TBC1D4: variants seen among roughly 807,000 people sequenced by gnomAD.
The protein encoded by TBC1D4 is TBC (Tre-2, BUB2, CDC16) domain-containing protein.
A neutral mutation model predicts 142.5 loss-of-function variants in TBC1D4; 121 were observed. The observed-to-expected ratio is 0.85, with a 90% confidence interval of 0.73 to 0.99. The LOEUF is 0.99. TBC1D4 is among the 50% of genes least tolerant of loss of function. The probability of loss-of-function intolerance (pLI) is 0.00; values close to 1 mark genes in which losing one functional copy is unlikely to be tolerated. For synonymous variants in TBC1D4, 630 were observed against 628.2 expected (o/e 1.00, Z -0.04); for missense variants, 1,475 against 1,606.6 (o/e 0.92, Z 1.40).
At chr13:75,429,156 G>A (rs547392289) in intron 1 of TBC1D4, among the ~76,000 whole-genome samples, 7 of 152,214 alleles carry the variant, frequency 4.6e-5, no homozygotes, top group East Asian at 1.9e-4. Context: ...TTTTCAAATC[G>A]TAAAATCACG....
rs375132840 is a variant in TBC1D4, at chr13:75,312,424, A to AAAAGAAAGAAAGAAAG, written c.2383+298_2383+313dup. On this transcript the variant is annotated intron_variant, in intron 13 of 20. Transcript: ENST00000377636. ...CAAGGCCCAATCTCTGGGAAAAAAA[A>AAAAGAAAGAAAGAAAG]AAAGAAAGAAAGAAAGAAAGAAAGA... 6.1e-3 allele frequency among the ~76,000 whole-genome samples: 834 copies of AAAAGAAAGAAAGAAAG among 135,998 alleles called. 9 individuals carry two copies. Among genetic ancestry groups the AAAAGAAAGAAAGAAAG allele is most frequent in the South Asian group, 0.02 (83 of 4,208 alleles). The allele number at this position is 135,998 out of a possible 152,430, so 89.2% of individuals were successfully genotyped here.
At chr13:75,425,962 G>C (rs1020950022) in intron 1 of TBC1D4, among the ~76,000 whole-genome samples, 1 of 152,084 alleles carries the variant, frequency 6.6e-6, no homozygotes, top group East Asian at 1.9e-4. Context: ...AGATTTTAAA[G>C]GTTCTCACCA....
At chr13:75,289,463 C>A (rs1234664239) in intron 19 of TBC1D4, among the ~76,000 whole-genome samples, 2 of 151,544 alleles carry the variant, frequency 1.3e-5, no homozygotes, top group Admixed American at 1.3e-4. Flanking sequence ...AACTGTCTCC[C>A]AAAATGTAGT....
chr13:75,308,927 T>TA (rs1161797360), intron 14 of TBC1D4, among the ~76,000 whole-genome samples: 1 of 152,044 alleles, frequency 6.6e-6, no homozygotes, highest in Non-Finnish European at 1.5e-5. Context: ...ATTGTTAAAA[T>TA]AAAAAAATTA....
At chr13:75,299,707 AC>A in intron 16 of TBC1D4, 133 bp from the exon 17 acceptor site, 2 of 1,118,048 alleles carry the variant, frequency 1.8e-6, no homozygotes, top group South Asian at 1.4e-5. Context: ...GCTTAGAGTC[AC>A]CATGTAACTA....
chr13:75,481,477 C>T lies in TBC1D4; in HGVS notation c.291G>A (p.Pro97=). The change falls in exon 1 of 21, where the codon CCG becomes CCA. Residue 97 remains proline, a synonymous_variant. Transcript: ENST00000377636. ...TAGTGCCCCCCGAGGCCCCAGCGCC[C>T]GGCGCGGGGACGCAACGCAGGAAGG... is the stretch of plus-strand genomic sequence containing the variant. ...SAPFLRCVPA[P]GAGASGGTSP... 5 of 1,613,306 alleles carry T rather than the reference C, an allele frequency of 3.1e-6. No homozygotes were observed. Among genetic ancestry groups the T allele is most frequent in the South Asian group, 1.1e-5 (1 of 91,026 alleles).
chr13:75,417,420 G>A (rs1373534242), intron 1 of TBC1D4, among the ~76,000 whole-genome samples: 1 of 152,082 alleles, frequency 6.6e-6, no homozygotes, highest in African/African-American at 2.4e-5. Context: ...GGGCACATAG[G>A]ACCTCAGCTC....
chr13:75,416,121 T>G (rs1447784742), intron 1 of TBC1D4, among the ~76,000 whole-genome samples: 1 of 152,198 alleles, frequency 6.6e-6, no homozygotes, highest in Non-Finnish European at 1.5e-5. Context: ...CTGAGACAAA[T>G]ATTGTGGCAT....
chr13:75,442,702 C>G (rs1049575530), intron 1 of TBC1D4, among the ~76,000 whole-genome samples: 1 of 151,680 alleles, frequency 6.6e-6, no homozygotes, highest in Non-Finnish European at 1.5e-5. Context: ...TCACTTGAAC[C>G]CGGGAGGTGG....
At chr13:75,410,023 T>C (rs1885551498) in intron 1 of TBC1D4, among the ~76,000 whole-genome samples, 1 of 152,336 alleles carries the variant, frequency 6.6e-6, no homozygotes, top group African/African-American at 2.4e-5. Context: ...CTTAACCAAA[T>C]TTGCCACTTA....
intron 1 of TBC1D4, among the ~76,000 whole-genome samples, chr13:75,473,996 C>T (rs900189800): frequency 1.3e-4 from 20 of 152,158 alleles, no homozygotes; most frequent in Non-Finnish European, 2.2e-4. Flanking sequence ...CCCCGCCATA[C>T]TTAAAGACAC....
At chr13:75,422,434 C>A (rs561242178) in intron 1 of TBC1D4, among the ~76,000 whole-genome samples, 18 of 152,268 alleles carry the variant, frequency 1.2e-4, no homozygotes, top group Admixed American at 7.8e-4. Context: ...ACACATTACT[C>A]TGGTATCAAG....
At chr13:75,394,536 A>G (rs1884677383) in intron 1 of TBC1D4, among the ~76,000 whole-genome samples, 1 of 152,254 alleles carries the variant, frequency 6.6e-6, no homozygotes, top group Non-Finnish European at 1.5e-5. Context: ...TAAGGAAAAC[A>G]CAGAAAAGAA....
chr13:75,422,741 A>G (rs1886222048), intron 1 of TBC1D4, among the ~76,000 whole-genome samples: 1 of 152,162 alleles, frequency 6.6e-6, no homozygotes, highest in South Asian at 2.1e-4. Flanking sequence ...AAAACTGAGG[A>G]GTGAGGGGGA....
intron 4 of TBC1D4, among the ~76,000 whole-genome samples, chr13:75,355,022 T>A: frequency 6.6e-6 from 1 of 152,230 alleles, no homozygotes; most frequent in East Asian, 1.9e-4. Flanking sequence ...GGGAGTTTTC[T>A]ATCTTTTAGA....
At chr13:75,474,642 T>A (rs1053626318) in intron 1 of TBC1D4, among the ~76,000 whole-genome samples, 18 of 91,472 alleles carry the variant, frequency 2.0e-4, no homozygotes, top group African/African-American at 5.5e-4. Flanking sequence ...AGAAATAATT[T>A]AACCTTTTTT....
At chr13:75,372,458 C>T (rs1475668284) in intron 1 of TBC1D4, among the ~76,000 whole-genome samples, 2 of 152,100 alleles carry the variant, frequency 1.3e-5, no homozygotes, top group African/African-American at 4.8e-5. Context: ...TTAGTAGAAA[C>T]AGAGTTTCAT....
At chr13:75,309,721 C>T (rs754998271) in intron 14 of TBC1D4, among the ~76,000 whole-genome samples, 45 of 152,124 alleles carry the variant, frequency 3.0e-4, no homozygotes, top group Admixed American at 1.5e-3. Flanking sequence ...AAAATGCAAA[C>T]CCATTTAAAA....
chr13:75,417,978 G>A (rs1433551749), intron 1 of TBC1D4, among the ~76,000 whole-genome samples: 1 of 152,172 alleles, frequency 6.6e-6, no homozygotes, highest in East Asian at 1.9e-4. Flanking sequence ...AAAATTAAAT[G>A]GAAGTGAGTA....
Sources: gnomAD v4.1 joint callset for allele counts (sites outside exome capture counted in the v4.1 genomes callset) on GRCh38, gnomAD v4.1.1 for gene constraint, MANE v1.5 for transcripts, NCBI Gene and HGNC (gene_info 2026-07-23, HGNC 2026-07-21) for gene names.